The following ZFPM2 variants were observed in gnomAD, a reference collection of about 807,000 sequenced individuals.
ZFPM2 encodes the protein zinc finger protein ZFPM2.
ZFPM2 carries 20 observed loss-of-function variants against 98.6 expected under a neutral mutation model. The ratio of observed to expected loss-of-function variants is 0.20; its 90% CI spans 0.14 to 0.29. The LOEUF (loss-of-function observed/expected upper bound fraction) is 0.29, where lower values mean the gene tolerates loss of function less well. ZFPM2 is among the 10% of genes least tolerant of loss of function. The pLI, the probability that ZFPM2 is intolerant of heterozygous loss-of-function variation, is 1.00. For missense variants in ZFPM2, 1,310 were observed against 1,388.6 expected (o/e 0.94, Z 0.90); for synonymous variants, 518 against 502.7 (o/e 1.03, Z -0.41).
At chr8:105,536,829 A>G (rs1355979485) in intron 3 of ZFPM2, among the ~76,000 whole-genome samples, 2 of 152,192 alleles carry the variant, frequency 1.3e-5, no homozygotes, top group African/African-American at 2.4e-5. Flanking sequence ...AATGCATCCA[A>G]TAAAATGGGC....
chr8:105,423,753 T>C (rs16873003), intron 2 of ZFPM2, among the ~76,000 whole-genome samples: 52,208 of 152,002 alleles, frequency 0.34, 11,283 homozygotes, highest in African/African-American at 0.62. Flanking sequence ...AAAGCAACCT[T>C]GGGAGTTTGT....
chr8:105,456,417 CAAAT>C (rs1274856941), intron 3 of ZFPM2, among the ~76,000 whole-genome samples: 6 of 151,658 alleles, frequency 4.0e-5, no homozygotes, highest in East Asian at 1.9e-4. Context: ...TATTTATTGT[CAAAT>C]AAATATGTAA....
chr8:105,646,941 C>T (rs1817059939), intron 5 of ZFPM2, among the ~76,000 whole-genome samples: 1 of 152,164 alleles, frequency 6.6e-6, no homozygotes. Context: ...AAACCTCCAT[C>T]TCCTAACAGT....
At chr8:105,328,490 A>G (rs1478105212) in intron 1 of ZFPM2, among the ~76,000 whole-genome samples, 1 of 151,816 alleles carries the variant, frequency 6.6e-6, no homozygotes, top group African/African-American at 2.4e-5. Context: ...GAAAATTTCA[A>G]ATTTGTAATC....
chr8:105,703,852 A>T (rs979827691), intron 5 of ZFPM2, among the ~76,000 whole-genome samples: 1 of 152,158 alleles, frequency 6.6e-6, no homozygotes, highest in African/African-American at 2.4e-5. Flanking sequence ...TCTTTCCACG[A>T]TTATCCTGTA....
At chr8:105,476,463 A>G (rs769545921) in intron 3 of ZFPM2, among the ~76,000 whole-genome samples, 9 of 151,814 alleles carry the variant, frequency 5.9e-5, no homozygotes, top group Non-Finnish European at 1.2e-4. Flanking sequence ...AACCATCCCC[A>G]CCCCTCCCCA....
At chr8:105,354,942 A>G (rs1812712985) in intron 1 of ZFPM2, among the ~76,000 whole-genome samples, 1 of 152,182 alleles carries the variant, frequency 6.6e-6, no homozygotes, top group South Asian at 2.1e-4. Flanking sequence ...CGACAGAGCA[A>G]GACTCTGTCT....
At chr8:105,726,641 A>T (rs1053715647) in intron 5 of ZFPM2, among the ~76,000 whole-genome samples, 16 of 151,808 alleles carry the variant, frequency 1.1e-4, no homozygotes, top group Admixed American at 7.9e-4. Flanking sequence ...ATCCCTAGTC[A>T]TAAATGAGTT....
At chr8:105,725,147 ACTGT>A (rs1328419137) in intron 5 of ZFPM2, among the ~76,000 whole-genome samples, 1 of 151,774 alleles carries the variant, frequency 6.6e-6, no homozygotes, top group Non-Finnish European at 1.5e-5. Context: ...TGCCAATTCT[ACTGT>A]CTATCTCCAA....
intron 1 of ZFPM2, among the ~76,000 whole-genome samples, chr8:105,408,832 G>A (rs905394107): frequency 6.6e-6 from 1 of 151,816 alleles, no homozygotes; most frequent in Non-Finnish European, 1.5e-5. Flanking sequence ...GTGAAAAATG[G>A]AACAGATTTC....
intron 1 of ZFPM2, among the ~76,000 whole-genome samples, chr8:105,326,655 A>T (rs759521943): frequency 6.6e-6 from 1 of 151,674 alleles, no homozygotes; most frequent in African/African-American, 2.4e-5. Context: ...AATAAGAGAC[A>T]CTAATATAAT....
intron 5 of ZFPM2, among the ~76,000 whole-genome samples, chr8:105,659,313 G>T (rs181188770): frequency 6.6e-6 from 1 of 152,118 alleles, no homozygotes; most frequent in Non-Finnish European, 1.5e-5. Context: ...ACAGTGAACA[G>T]CAATTGGCTG....
At chr8:105,521,370 A>G (rs1251875648) in intron 3 of ZFPM2, among the ~76,000 whole-genome samples, 1 of 143,880 alleles carries the variant, frequency 7.0e-6, no homozygotes, top group Non-Finnish European at 1.5e-5. Flanking sequence ...AGAATATTTC[A>G]GTGAAACTCT....
chr8:105,736,890 C>A (rs1193620990), intron 5 of ZFPM2, among the ~76,000 whole-genome samples: 1 of 152,024 alleles, frequency 6.6e-6, no homozygotes, highest in Admixed American at 6.6e-5. Flanking sequence ...GATAAAATAT[C>A]AGTTTCTCTT....
intron 4 of ZFPM2, among the ~76,000 whole-genome samples, chr8:105,591,944 G>T (rs1368920728): frequency 6.6e-6 from 1 of 152,116 alleles, no homozygotes; most frequent in African/African-American, 2.4e-5. Context: ...TGTTTTGTTT[G>T]TTAATTGTGT....
chr8:105,802,638 C>T lies in ZFPM2; in HGVS notation c.2556C>T (p.Asp852=). The T allele has an allele frequency of 6.2e-7, 1 of 1,611,008 alleles. No individual in the cohort carries two copies. Among genetic ancestry groups the T allele is most frequent in the Non-Finnish European group, 8.5e-7 (1 of 1,178,592 alleles). Residue 852 remains aspartate (D), a synonymous_variant, in exon 8 of 8, where the codon GAC becomes GAT. Coordinates refer to ENST00000407775, the MANE Select transcript of ZFPM2 (RefSeq NM_012082.4). ...RTTTSPKRLL[D]YHECTVCKIS... is the part of the protein sequence containing the mutation. ...CCACGTCTCCCAAAAGGCTGCTGGA[C>T]TATCACGAGTGCACTGTGTGCAAGA... is the stretch of plus-strand genomic sequence containing the variant.
chr8:105,692,580 A>G (rs1376935226), intron 5 of ZFPM2, among the ~76,000 whole-genome samples: 1 of 152,228 alleles, frequency 6.6e-6, no homozygotes, highest in Admixed American at 6.5e-5. Context: ...CAGAACATCT[A>G]TTGGAATATG....
chr8:105,372,801 A>G lies in ZFPM2; in HGVS notation c.41-46343A>G, dbSNP rs138546674. Among the ~76,000 whole-genome samples, 759 of 152,322 alleles carry G rather than the reference A, an allele frequency of 5.0e-3. 2 individuals carry two copies. Among genetic ancestry groups the G allele is most frequent in the African/African-American group, 0.018 (729 of 41,578 alleles). On this transcript the variant is annotated intron_variant, in intron 1 of 7. Transcript: ENST00000407775. Reference sequence around the variant, plus strand: ...GGAAAGAAAATAAGTAGGAAAGGAAAGCTCTTCTAAGTTTTATCCATCAGG... The same window carrying G: ...GGAAAGAAAATAAGTAGGAAAGGAAGGCTCTTCTAAGTTTTATCCATCAGG...
At position 105,608,460 on chromosome 8, in the gene ZFPM2, A is replaced by C. The variant is rs528475156; in HGVS notation, c.421-25786A>C. ...GGCACACTGCATACTTTGTGTGAAC[A>C]TTCAACCAAAAATGTAATTCATTAA... On this transcript the variant is annotated intron_variant, in intron 4 of 7. Coordinates refer to ENST00000407775, the MANE Select transcript of ZFPM2 (RefSeq NM_012082.4). Among the ~76,000 whole-genome samples, 21 of 152,292 alleles carry C rather than the reference A, an allele frequency of 1.4e-4. No homozygotes were observed. The South Asian group carries it at 3.9e-3, about 29-fold the overall frequency.
Sources: gnomAD v4.1 joint callset for allele counts (sites outside exome capture counted in the v4.1 genomes callset) on GRCh38, gnomAD v4.1.1 for gene constraint, MANE v1.5 for transcripts, NCBI Gene and HGNC (gene_info 2026-07-23, HGNC 2026-07-21) for gene names.